The following NRXN3 variants were observed in gnomAD, a reference collection of about 807,000 sequenced individuals.
NRXN3 encodes neurexin 3, also known as neurexin III.
NRXN3 carries 32 observed loss-of-function variants against 137.6 expected under a neutral mutation model. The ratio of observed to expected loss-of-function variants is 0.23; its 90% CI spans 0.18 to 0.31. The LOEUF is 0.31. NRXN3 is among the 10% of genes least tolerant of loss of function. The pLI is 1.00. For synonymous variants in NRXN3, 798 were observed against 784.5 expected (o/e 1.02, Z -0.29); for missense variants, 1,574 against 2,062.5 (o/e 0.76, Z 4.59).
Position 78,508,956 on chromosome 14 carries a change from T to A in NRXN3, c.758-136164T>A, listed in dbSNP as rs569474550. On this transcript the variant is annotated intron_variant, in intron 4 of 20. Transcript: ENST00000335750. The stretch of plus-strand genomic sequence containing the variant: ...GTATTCAGTACTATAATGTAGAGAA[T>A]ATTACTCTGTTATAGTCAAGTGTAA... Among the ~76,000 whole-genome samples the A allele has an allele frequency of 2.0e-5, 3 of 152,342 alleles. No individual in the cohort carries two copies. The South Asian group carries it at 6.2e-4, about 32-fold the overall frequency.
chr14:78,905,869 A>C (rs1473263193), intron 10 of NRXN3, among the ~76,000 whole-genome samples: 1 of 152,028 alleles, frequency 6.6e-6, no homozygotes, highest in African/African-American at 2.4e-5. Flanking sequence ...ATTCAGAATC[A>C]GTATTAGGGG....
intron 1 of NRXN3, among the ~76,000 whole-genome samples, chr14:78,210,986 C>T (rs1029110716): frequency 3.9e-5 from 6 of 152,140 alleles, no homozygotes; most frequent in African/African-American, 1.2e-4. Flanking sequence ...TCTCCCAGTG[C>T]CTCCAGCCTC....
chr14:78,827,323 A>G (rs2152383075), intron 10 of NRXN3, among the ~76,000 whole-genome samples: 1 of 151,840 alleles, frequency 6.6e-6, no homozygotes, highest in Non-Finnish European at 1.5e-5. Context: ...CCTATTCACC[A>G]TCTTTAGTAC....
intron 4 of NRXN3, among the ~76,000 whole-genome samples, chr14:78,351,782 C>CT (rs11423743): frequency 0.039 from 4,973 of 127,820 alleles, 252 homozygotes; most frequent in African/African-American, 0.12. Flanking sequence ...TGGTATTTTT[C>CT]TTTTTTTTTT....
intron 16 of NRXN3, among the ~76,000 whole-genome samples, chr14:79,565,463 T>G (rs115326772): frequency 1.0e-3 from 152 of 151,730 alleles, no homozygotes; most frequent in African/African-American, 3.6e-3. Flanking sequence ...GGCCTGTACT[T>G]TCTTTGAGAA....
At chr14:78,748,386 C>A (rs923979043) in intron 8 of NRXN3, among the ~76,000 whole-genome samples, 1 of 151,956 alleles carries the variant, frequency 6.6e-6, no homozygotes, top group Non-Finnish European at 1.5e-5. Context: ...TACAGTATGG[C>A]CAGAAGGCAG....
At chr14:79,773,630 G>T (rs2099086852) in intron 19 of NRXN3, among the ~76,000 whole-genome samples, 1 of 116,000 alleles carries the variant, frequency 8.6e-6, no homozygotes, top group African/African-American at 3.2e-5. Flanking sequence ...GACTGTTTTG[G>T]GGTGGGGGGA....
intron 16 of NRXN3, among the ~76,000 whole-genome samples, chr14:79,519,822 G>A (rs966738816): frequency 6.4e-5 from 9 of 140,010 alleles, no homozygotes; most frequent in Non-Finnish European, 9.1e-5. Context: ...ACTGCATACA[G>A]TTACATTTGT....
intron 19 of NRXN3, among the ~76,000 whole-genome samples, chr14:79,785,751 T>C (rs1441909285): frequency 6.6e-6 from 1 of 152,182 alleles, no homozygotes; most frequent in Non-Finnish European, 1.5e-5. Flanking sequence ...AATGAATGAT[T>C]GGTGAGTCAT....
chr14:79,355,725 T>A (rs1362384676), intron 15 of NRXN3, among the ~76,000 whole-genome samples: 2 of 152,232 alleles, frequency 1.3e-5, no homozygotes, highest in Non-Finnish European at 2.9e-5. Context: ...GTTATTTTAC[T>A]TTTAAATTCT....
At chr14:78,394,434 T>G (rs187508280) in intron 4 of NRXN3, among the ~76,000 whole-genome samples, 1 of 152,066 alleles carries the variant, frequency 6.6e-6, no homozygotes, top group African/African-American at 2.4e-5. Flanking sequence ...CAGTTGGTCA[T>G]GGTATATAAT....
intron 16 of NRXN3, chr14:79,573,146 CA>C (rs1334043730): frequency 2.0e-5 from 3 of 152,192 alleles, no homozygotes; most frequent in African/African-American, 7.2e-5. Context: ...TTAGTTTCAT[CA>C]CTTTACCACA....
chr14:79,526,608 CAAATATTT>C (rs1318179657), intron 16 of NRXN3, among the ~76,000 whole-genome samples: 1 of 152,124 alleles, frequency 6.6e-6, no homozygotes, highest in East Asian at 1.9e-4. Context: ...CAACCAACAT[CAAATATTT>C]ATTAGCTGCA....
chr14:78,938,181 T>G (rs2099345770), intron 10 of NRXN3, among the ~76,000 whole-genome samples: 1 of 152,240 alleles, frequency 6.6e-6, no homozygotes, highest in African/African-American at 2.4e-5. Context: ...ATTAAAGTGA[T>G]GATGAGTCTT....
intron 15 of NRXN3, among the ~76,000 whole-genome samples, chr14:79,113,326 T>G (rs2053860572): frequency 6.6e-6 from 1 of 152,150 alleles, no homozygotes; most frequent in Non-Finnish European, 1.5e-5. Flanking sequence ...CAGTCTAACT[T>G]GGGGACCTTT....
intron 15 of NRXN3, among the ~76,000 whole-genome samples, chr14:79,181,502 A>G (rs2370931): frequency 1 from 151,811 of 151,988 alleles, 75,818 homozygotes; most frequent in Non-Finnish European, 1. Flanking sequence ...GGCCAACATG[A>G]TGAAAACCCG....
rs544763688 is a variant in NRXN3 at position 78,906,713 on chromosome 14, C to T, written c.2276-50529C>T. ...TTGAGCTGGTTTCAAAGACCAGATT[C>T]GGAAACTTGAATTCATTTTCTCTGT... is the stretch of plus-strand genomic sequence containing the variant. On this transcript the variant is annotated intron_variant, in intron 10 of 20. Coordinates refer to ENST00000335750, the MANE Select transcript of NRXN3 (RefSeq NM_001330195.2). 3.3e-5 allele frequency among the ~76,000 whole-genome samples: 5 copies of T among 152,112 alleles called. No homozygotes were observed. In the South Asian group the frequency reaches 8.3e-4, roughly 25 times the overall value.
At chr14:78,847,368 T>C (rs1050079635) in intron 10 of NRXN3, among the ~76,000 whole-genome samples, 2 of 152,156 alleles carry the variant, frequency 1.3e-5, no homozygotes, top group Admixed American at 1.3e-4. Flanking sequence ...CAAAATGGAC[T>C]CAAATTGCAT....
chr14:79,186,289 A>C (rs886498394), intron 15 of NRXN3, among the ~76,000 whole-genome samples: 1 of 152,134 alleles, frequency 6.6e-6, no homozygotes, highest in Non-Finnish European at 1.5e-5. Flanking sequence ...ATATTAAGTA[A>C]ATATAGGGTT....
Sources: gnomAD v4.1 joint callset for allele counts (sites outside exome capture counted in the v4.1 genomes callset) on GRCh38, gnomAD v4.1.1 for gene constraint, MANE v1.5 for transcripts, NCBI Gene and HGNC (gene_info 2026-07-23, HGNC 2026-07-21) for gene names.